The following MAGI2 variants were observed in gnomAD, a reference collection of about 807,000 sequenced individuals.
MAGI2 encodes the protein membrane-associated guanylate kinase, WW and PDZ domain-containing protein 2.
Under a neutral mutation model 133.3 loss-of-function variants are expected in MAGI2, and 35 were observed. The observed-to-expected ratio is 0.26, with a 90% confidence interval of 0.20 to 0.35. The LOEUF is 0.35. Among genes scored for constraint, MAGI2 ranks in the 10% least tolerant of loss-of-function variants. The probability of loss-of-function intolerance (pLI) is 1.00; values close to 1 mark genes in which losing one functional copy is unlikely to be tolerated. For synonymous variants in MAGI2, 729 were observed against 710.6 expected, an observed-to-expected ratio of 1.03 and a Z score of -0.41; for missense variants, 1,636 against 1,863.4, an observed-to-expected ratio of 0.88 and a Z score of 2.25.
At chr7:78,053,027 C>G (rs1047360367) in intron 21 of MAGI2, among the ~76,000 whole-genome samples, 6 of 151,808 alleles carry the variant, frequency 4.0e-5, no homozygotes, top group African/African-American at 1.2e-4. Flanking sequence ...GAAATATTGT[C>G]AAATAAAAAA....
intron 2 of MAGI2, among the ~76,000 whole-genome samples, chr7:78,999,901 T>A (rs376074372): frequency 2.0e-5 from 3 of 152,162 alleles, no homozygotes; most frequent in Admixed American, 6.6e-5. Context: ...ATTCTCAAAT[T>A]TTCAAAGAAC....
chr7:78,250,974 A>C (rs1207746803), intron 10 of MAGI2, among the ~76,000 whole-genome samples: 1 of 152,186 alleles, frequency 6.6e-6, no homozygotes, highest in East Asian at 1.9e-4. Context: ...AAACAGATTA[A>C]AAAATCTTTA....
chr7:78,978,105 C>G lies in MAGI2; in HGVS notation c.418+28985G>C, dbSNP rs1804454156. On this transcript the variant is annotated intron_variant, in intron 2 of 21. Transcript: ENST00000354212. ...AAAATAATACGGCCACTTTGGAAGACAGTTTGGCAGGTTCTTTAACACTAA... is the reference window on the plus strand; with the variant it reads ...AAAATAATACGGCCACTTTGGAAGAGAGTTTGGCAGGTTCTTTAACACTAA... 2.0e-5 allele frequency among the ~76,000 whole-genome samples: 3 copies of G among 151,784 alleles called. No homozygotes were observed. In the South Asian group the frequency reaches 6.2e-4, roughly 31 times the overall value.
At chr7:79,028,235 G>GTATATATATATATA (rs1174096501) in intron 1 of MAGI2, among the ~76,000 whole-genome samples, 8 of 29,322 alleles carry the variant, frequency 2.7e-4, no homozygotes, top group Admixed American at 1.3e-3. Context: ...ATATATGTAT[G>GTATATATATATATA]TATATATATA....
At chr7:78,099,675 C>T (rs1818028444) in intron 20 of MAGI2, among the ~76,000 whole-genome samples, 1 of 152,128 alleles carries the variant, frequency 6.6e-6, no homozygotes, top group African/African-American at 2.4e-5. Flanking sequence ...GAAACAATAC[C>T]TTTGTTAGCA....
chr7:78,448,316 G>A (rs905876584), intron 6 of MAGI2, among the ~76,000 whole-genome samples: 3 of 151,900 alleles, frequency 2.0e-5, no homozygotes, highest in Non-Finnish European at 2.9e-5. Context: ...TGGATCATAC[G>A]GTAGTCCTAG....
chr7:79,311,329 A>T (rs932323770), intron 1 of MAGI2, among the ~76,000 whole-genome samples: 3 of 152,154 alleles, frequency 2.0e-5, no homozygotes, highest in Non-Finnish European at 2.9e-5. Flanking sequence ...CACTAATAAT[A>T]GCTGATGAGC....
chr7:78,444,527 G>T (rs77277001), intron 6 of MAGI2, among the ~76,000 whole-genome samples: 14,437 of 151,946 alleles, frequency 0.095, 708 homozygotes, highest in African/African-American at 0.13. Flanking sequence ...CATTTCTCAT[G>T]AAGAATAAAT....
At chr7:78,842,362 G>T (rs936790153) in intron 2 of MAGI2, among the ~76,000 whole-genome samples, 1 of 151,894 alleles carries the variant, frequency 6.6e-6, no homozygotes, top group Admixed American at 6.6e-5. Flanking sequence ...TTTCTAAATT[G>T]TATCCAATAA....
chr7:79,196,850 C>G (rs1275627818), intron 1 of MAGI2, among the ~76,000 whole-genome samples: 2 of 151,960 alleles, frequency 1.3e-5, no homozygotes, highest in Non-Finnish European at 2.9e-5. Flanking sequence ...TTACTGCAGC[C>G]TTGATCTCCA....
intron 1 of MAGI2, among the ~76,000 whole-genome samples, chr7:79,379,696 A>T (rs1843647914): frequency 6.6e-6 from 1 of 151,800 alleles, no homozygotes; most frequent in Non-Finnish European, 1.5e-5. Context: ...TTTGATTTGC[A>T]TTTCTCTGAT....
In MAGI2 at chr7:78,133,053, G is replaced by A. The variant is rs773558417; in HGVS notation, c.3039C>T (p.Asn1013=). The change falls in exon 18 of 22, where the codon AAC becomes AAT. Residue 1013 remains asparagine, a synonymous_variant. Coordinates refer to ENST00000354212, the MANE Select transcript of MAGI2 (RefSeq NM_012301.4). ...CTGAGCTGGGTGCCGAGGTGGGGCTGTTGAGCTCTGCGATGGAGAACCAAA... is the reference window on the plus strand; with the variant it reads ...CTGAGCTGGGTGCCGAGGTGGGGCTATTGAGCTCTGCGATGGAGAACCAAA... ...TLRIIPQEEL[N]SPTSAPSSEK... The A allele has an allele frequency of 1.3e-5, 20 of 1,561,926 alleles. No individual in the cohort carries two copies. The Admixed American group carries it at 2.2e-4, about 17-fold the overall frequency.
chr7:78,623,410 T>C lies in MAGI2; in HGVS notation c.538+3710A>G, dbSNP rs1034274863. Reference sequence around the variant, plus strand: ...GAAATTATTCTGTAAAATGTATTATTTAACATCTTTGATAAAGTTATTTTC... The same window carrying C: ...GAAATTATTCTGTAAAATGTATTATCTAACATCTTTGATAAAGTTATTTTC... On this transcript the variant is annotated intron_variant, in intron 3 of 21. Coordinates refer to ENST00000354212, the MANE Select transcript of MAGI2 (RefSeq NM_012301.4). Among the ~76,000 whole-genome samples, 169 of 152,236 alleles carry C rather than the reference T, an allele frequency of 1.1e-3. 1 individual carries two copies. Among genetic ancestry groups the C allele is most frequent in the African/African-American group, 3.6e-3 (149 of 41,582 alleles).
intron 2 of MAGI2, among the ~76,000 whole-genome samples, chr7:78,778,954 T>C (rs1184359122): frequency 2.0e-5 from 3 of 146,682 alleles, no homozygotes; most frequent in Non-Finnish European, 3.0e-5. Flanking sequence ...TTGCCCAGGC[T>C]GGAGTGCAGT....
chr7:78,038,839 C>G (rs1810508507), intron 21 of MAGI2, among the ~76,000 whole-genome samples: 1 of 152,234 alleles, frequency 6.6e-6, no homozygotes, highest in African/African-American at 2.4e-5. Flanking sequence ...CTCACAGTGC[C>G]TGTTGGTTTA....
At chr7:78,465,981 T>G (rs969242027) in intron 6 of MAGI2, among the ~76,000 whole-genome samples, 7 of 152,164 alleles carry the variant, frequency 4.6e-5, no homozygotes, top group African/African-American at 1.7e-4. Context: ...GGGGCTGTCT[T>G]ACCTATAGGA....
chr7:78,128,823 T>A (rs1821257300), intron 18 of MAGI2, among the ~76,000 whole-genome samples: 1 of 152,228 alleles, frequency 6.6e-6, no homozygotes, highest in Non-Finnish European at 1.5e-5. Context: ...ATTCCTTTTA[T>A]GAGGTGCATA....
chr7:79,200,799 C>T (rs1828546579), intron 1 of MAGI2, among the ~76,000 whole-genome samples: 2 of 151,884 alleles, frequency 1.3e-5, no homozygotes, highest in African/African-American at 4.9e-5. Context: ...CCCACTCCAA[C>T]AGGCAGAATT....
intron 2 of MAGI2, among the ~76,000 whole-genome samples, chr7:78,961,856 T>C (rs533485523): frequency 6.6e-6 from 1 of 152,184 alleles, no homozygotes; most frequent in Non-Finnish European, 1.5e-5. Flanking sequence ...TACACAAACC[T>C]AGATGGTATA....
Sources: gnomAD v4.1 joint callset for allele counts (sites outside exome capture counted in the v4.1 genomes callset) on GRCh38, gnomAD v4.1.1 for gene constraint, MANE v1.5 for transcripts, NCBI Gene and HGNC (gene_info 2026-07-23, HGNC 2026-07-21) for gene names.